The following NUP205 variants were observed in gnomAD, a reference collection of about 807,000 sequenced individuals.
The protein encoded by NUP205 is nuclear pore complex protein Nup205.
NUP205 carries 76 observed loss-of-function variants against 253.8 expected under a neutral mutation model. That is an observed-to-expected ratio of 0.30 (90% CI 0.25 to 0.36). NUP205 has a LOEUF of 0.36. Ranked by LOEUF, NUP205 falls within the 10% of genes least tolerant of loss-of-function variation. NUP205 has a pLI of 1.00. For synonymous variants in NUP205, 832 were observed against 850.1 expected (o/e 0.98, Z 0.37); for missense variants, 2,162 against 2,425.5 (o/e 0.89, Z 2.28).
chr7:135,615,131 GTA>G (rs1794329249), intron 23 of NUP205, among the ~76,000 whole-genome samples: 1 of 151,994 alleles, frequency 6.6e-6, no homozygotes, highest in Non-Finnish European at 1.5e-5. Context: ...ACCTATTATG[GTA>G]TGTGTTTTAT....
intron 7 of NUP205, among the ~76,000 whole-genome samples, chr7:135,579,538 TA>T (rs1806248456): frequency 6.6e-6 from 1 of 152,208 alleles, no homozygotes. Context: ...CTTTTATTTT[TA>T]TATATTTTAC....
chr7:135,640,935 T>G (rs1357241638), intron 38 of NUP205, among the ~76,000 whole-genome samples: 1 of 152,134 alleles, frequency 6.6e-6, no homozygotes, highest in Non-Finnish European at 1.5e-5. Context: ...GCATGATGGC[T>G]GAGCCTGTAA....
chr7:135,591,995 T>G (rs1288352175), intron 11 of NUP205, among the ~76,000 whole-genome samples: 1 of 152,246 alleles, frequency 6.6e-6, no homozygotes, highest in Non-Finnish European at 1.5e-5. Context: ...AGTTTTCTTA[T>G]TTAATTTTCA....
At position 135,616,652 on chromosome 7, in the gene NUP205, CAG is replaced by C; in HGVS notation, c.3461-1_3461del. 6.5e-7 allele frequency: 1 copy of C among 1,529,488 alleles called. No individual in the cohort carries two copies. Among genetic ancestry groups the C allele is most frequent in the Non-Finnish European group, 8.8e-7 (1 of 1,137,118 alleles). The allele number at this position is 1,529,488 out of a possible 1,614,324, so 94.7% of individuals were successfully genotyped here. ...TGATTCAATATTATTGATATTCCAA[CAG>C]ATGGTGAAGGAGGAATAGAAGATGA... On this transcript the variant is annotated splice_acceptor_variant, in intron 24 of 42. Coordinates refer to ENST00000285968, the MANE Select transcript of NUP205 (RefSeq NM_015135.3). LOFTEE classifies it high-confidence loss of function.
At chr7:135,587,469 A>C (rs1025786500) in intron 8 of NUP205, 106 bp from the exon 9 acceptor site, 20 of 517,824 alleles carry the variant, frequency 3.9e-5, no homozygotes, top group Non-Finnish European at 6.5e-5. Flanking sequence ...GATATTTAAA[A>C]AATATATTCT....
chr7:135,610,052 A>G (rs1051832482), intron 22 of NUP205, among the ~76,000 whole-genome samples: 1 of 152,180 alleles, frequency 6.6e-6, no homozygotes, highest in Non-Finnish European at 1.5e-5. Context: ...GCCAGAGTGC[A>G]GGATTTGTTG....
At chr7:135,570,938 ATAC>A (rs1805981598) in intron 1 of NUP205, among the ~76,000 whole-genome samples, 164 bp from the exon 2 acceptor site, 1 of 132,718 alleles carries the variant, frequency 7.5e-6, no homozygotes, top group Admixed American at 9.0e-5. Flanking sequence ...TTAATGTAAC[ATAC>A]TAATTATAAT....
At chr7:135,576,883 A>G (rs2129489843) in intron 4 of NUP205, 86 bp from the exon 5 acceptor site, 1 of 1,347,100 alleles carries the variant, frequency 7.4e-7, no homozygotes, top group East Asian at 2.4e-5. Flanking sequence ...CCCTGTCTCA[A>G]AAAAAGAGCG....
intron 6 of NUP205, among the ~76,000 whole-genome samples, chr7:135,578,270 A>G (rs1485497127): frequency 1.3e-5 from 2 of 152,222 alleles, no homozygotes; most frequent in Non-Finnish European, 2.9e-5. Flanking sequence ...ATACATGTTC[A>G]TGATTGCACA....
chr7:135,631,818 C>T (rs1373766461), intron 35 of NUP205, among the ~76,000 whole-genome samples: 3 of 148,854 alleles, frequency 2.0e-5, no homozygotes, highest in East Asian at 3.9e-4. Flanking sequence ...GGCGCGATCT[C>T]GGCTCACTGC....
At chr7:135,627,444 T>C (rs1794615593) in intron 33 of NUP205, among the ~76,000 whole-genome samples, 1 of 152,192 alleles carries the variant, frequency 6.6e-6, no homozygotes, top group Non-Finnish European at 1.5e-5. Context: ...GCAATTTGGA[T>C]TTTGGATTTT....
chr7:135,618,799 A>T (rs1178645143), intron 28 of NUP205, among the ~76,000 whole-genome samples, 196 bp downstream of exon 28: 3 of 152,194 alleles, frequency 2.0e-5, no homozygotes, highest in African/African-American at 7.2e-5. Context: ...TGTCTGAGTT[A>T]TCTCGGGAGC....
chr7:135,587,515 A>G, intron 8 of NUP205, 60 bp from the exon 9 acceptor site: 2 of 952,460 alleles, frequency 2.1e-6, no homozygotes, highest in Non-Finnish European at 3.1e-6. Flanking sequence ...GCCTGATTTC[A>G]TTATTATTAG....
chr7:135,620,776 G>GTA (rs1394114263), intron 30 of NUP205, among the ~76,000 whole-genome samples: 7 of 152,050 alleles, frequency 4.6e-5, no homozygotes, highest in Non-Finnish European at 7.4e-5. Context: ...CTCATCAATA[G>GTA]TATACATGTA....
At chr7:135,572,758 T>C (rs1806034148) in intron 2 of NUP205, among the ~76,000 whole-genome samples, 1 of 152,134 alleles carries the variant, frequency 6.6e-6, no homozygotes, top group African/African-American at 2.4e-5. Context: ...TTTCACCACG[T>C]TCGCCAGGCT....
At position 135,600,912 on chromosome 7, in the gene NUP205, C is replaced by G; in HGVS notation, c.2317C>G (p.Leu773Val). The G allele has an allele frequency of 6.2e-7, 1 of 1,611,856 alleles. No individual in the cohort carries two copies. The highest frequency in any genetic ancestry group is 1.1e-5 in the South Asian group (1 of 90,914). ...GGTTTTGGAGGTGTTTTATAAATTG[C>G]TCAGAGATTATGAGCCTCAGCTTGA... ...EVVLEVFYKL[L>V]RDYEPQLEDF... The change falls in exon 16 of 43, where the codon CTC becomes GTC. Residue 773 changes from leucine (L) to valine (V), a missense_variant. Physicochemically the swap from Leu to Val is conservative, Grantham distance 32. Transcript: ENST00000285968.
chr7:135,639,705 AAAT>A (rs1046163467), intron 38 of NUP205, among the ~76,000 whole-genome samples: 4 of 152,158 alleles, frequency 2.6e-5, no homozygotes, highest in African/African-American at 9.7e-5. Context: ...AAAAAAAAAA[AAAT>A]TAGTTTAACC....
Position 135,628,120 on chromosome 7 carries a change from A to T in NUP205, c.4932+9A>T. 6.2e-7 allele frequency: 1 copy of T among 1,606,898 alleles called. No homozygotes were observed. The highest frequency in any genetic ancestry group is 1.1e-5 in the South Asian group (1 of 90,362). ...TGCAGGCAGCAGGGCAGGTAAGGTG[A>T]ACCCTTTGTTTAGATATTGTCTAGA... On this transcript the variant is annotated intron_variant, in intron 34 of 42. Transcript: ENST00000285968.
intron 42 of NUP205, 55 bp from the exon 43 acceptor site, chr7:135,648,348 TA>T: frequency 7.0e-7 from 1 of 1,424,620 alleles, no homozygotes; most frequent in Non-Finnish European, 9.3e-7. Flanking sequence ...AGACTTAGAA[TA>T]AAAGAAATAT....
Sources: gnomAD v4.1 joint callset for allele counts (sites outside exome capture counted in the v4.1 genomes callset) on GRCh38, gnomAD v4.1.1 for gene constraint, MANE v1.5 for transcripts, NCBI Gene and HGNC (gene_info 2026-07-23, HGNC 2026-07-21) for gene names.